KCNIP4: variants seen among roughly 807,000 people sequenced by gnomAD.
KCNIP4 encodes the protein potassium voltage-gated channel interacting protein 4, also known as Kv channel-interacting protein 4.
KCNIP4 carries 12 observed loss-of-function variants against 34.0 expected under a neutral mutation model. That is an observed-to-expected ratio of 0.35 (90% CI 0.23 to 0.57). The LOEUF (loss-of-function observed/expected upper bound fraction) is 0.57, where lower values mean the gene tolerates loss of function less well. KCNIP4 is among the 20% of genes least tolerant of loss of function. The pLI, the probability that KCNIP4 is intolerant of heterozygous loss-of-function variation, is 0.83. For missense variants in KCNIP4, 238 were observed against 311.7 expected, an observed-to-expected ratio of 0.76 and a Z score of 1.78; for synonymous variants, 124 against 102.2, an observed-to-expected ratio of 1.21 and a Z score of -1.29.
In KCNIP4 at chr4:21,080,407, C is replaced by T. The variant is rs146397620; in HGVS notation, c.62-197698G>A. Reference sequence around the variant, plus strand: ...AAATTATTTTATAAATCAGTTCAAACGCCAATTCTTCTATTTCCTTTTGGA... The same window carrying T: ...AAATTATTTTATAAATCAGTTCAAATGCCAATTCTTCTATTTCCTTTTGGA... On this transcript the variant is annotated intron_variant, in intron 1 of 8. Coordinates refer to ENST00000382152, the MANE Select transcript of KCNIP4 (RefSeq NM_025221.6). Among the ~76,000 whole-genome samples, 517 of 151,930 alleles carry T rather than the reference C, an allele frequency of 3.4e-3. 9 individuals carry two copies. Among genetic ancestry groups the T allele is most frequent in the African/African-American group, 0.011 (465 of 41,318 alleles).
At chr4:21,833,196 C>T (rs1457497546) in intron 1 of KCNIP4, among the ~76,000 whole-genome samples, 1 of 151,610 alleles carries the variant, frequency 6.6e-6, no homozygotes, top group Admixed American at 6.6e-5. Context: ...AACTAGTTTA[C>T]AGTCCCACCA....
At chr4:21,351,297 G>A (rs896614024) in intron 1 of KCNIP4, among the ~76,000 whole-genome samples, 16 of 152,128 alleles carry the variant, frequency 1.1e-4, no homozygotes, top group Non-Finnish European at 1.5e-5. Flanking sequence ...AACCTGGTGG[G>A]AGGTAATTGA....
chr4:21,041,000 A>G (rs1741909040), intron 1 of KCNIP4, among the ~76,000 whole-genome samples: 1 of 151,576 alleles, frequency 6.6e-6, no homozygotes, highest in Non-Finnish European at 1.5e-5. Context: ...CAGACCCATC[A>G]ATGCCTTATA....
chr4:21,913,346 GT>G (rs1017526720), intron 1 of KCNIP4, among the ~76,000 whole-genome samples: 37 of 141,808 alleles, frequency 2.6e-4, no homozygotes, highest in African/African-American at 8.2e-4. Context: ...TTTGTATTTT[GT>G]TTTTTTTTTC....
At chr4:21,328,280 G>T (rs1237871058) in intron 1 of KCNIP4, among the ~76,000 whole-genome samples, 2 of 152,130 alleles carry the variant, frequency 1.3e-5, no homozygotes, top group East Asian at 3.9e-4. Context: ...GCATTAGAGG[G>T]CATCCCAAGT....
intron 1 of KCNIP4, among the ~76,000 whole-genome samples, chr4:21,935,393 T>C (rs955979664): frequency 5.3e-5 from 8 of 152,062 alleles, no homozygotes; most frequent in Admixed American, 5.2e-4. Context: ...AAAATCCACG[T>C]TTCTTAGACT....
chr4:21,932,019 C>A (rs1437527005), intron 1 of KCNIP4, among the ~76,000 whole-genome samples: 1 of 152,064 alleles, frequency 6.6e-6, no homozygotes, highest in African/African-American at 2.4e-5. Context: ...GACTCAGTTT[C>A]TCCACAAGTC....
At chr4:20,989,150 C>T (rs1301408302) in intron 1 of KCNIP4, among the ~76,000 whole-genome samples, 1 of 152,158 alleles carries the variant, frequency 6.6e-6, no homozygotes, top group African/African-American at 2.4e-5. Flanking sequence ...TGTATATGTG[C>T]TCTGCACGTG....
chr4:20,940,844 C>A (rs1731567397), intron 1 of KCNIP4, among the ~76,000 whole-genome samples: 1 of 152,140 alleles, frequency 6.6e-6, no homozygotes. Context: ...AGAACATGAA[C>A]ATCAGCTGAA....
chr4:21,001,998 AG>A lies in KCNIP4; in HGVS notation c.62-119290del, dbSNP rs1215368015. On this transcript the variant is annotated intron_variant, in intron 1 of 8. Transcript: ENST00000382152. ...CTTTGTAACTTATAATACAGTTGAA[AG>A]GCCAACATTGTTTCTAGGAAATGTG... Among the ~76,000 whole-genome samples, 87 of 152,318 alleles carry A rather than the reference AG, an allele frequency of 5.7e-4. 1 individual carries two copies. Among genetic ancestry groups the A allele is most frequent in the Non-Finnish European group, 1.8e-4 (12 of 68,024 alleles).
intron 1 of KCNIP4, chr4:21,853,213 A>G (rs1724519701): frequency 6.6e-6 from 1 of 152,194 alleles, no homozygotes; most frequent in South Asian, 2.1e-4. Context: ...GTTCAGTAAC[A>G]TAAGGCAGCA....
At chr4:21,481,169 T>G (rs1242015353) in intron 1 of KCNIP4, among the ~76,000 whole-genome samples, 1 of 152,186 alleles carries the variant, frequency 6.6e-6, no homozygotes, top group Non-Finnish European at 1.5e-5. Flanking sequence ...AAACTGGCTA[T>G]TCAAATGAAA....
intron 2 of KCNIP4, among the ~76,000 whole-genome samples, chr4:20,878,538 G>T (rs1218606272): frequency 6.6e-6 from 1 of 152,058 alleles, no homozygotes; most frequent in Non-Finnish European, 1.5e-5. Context: ...GATTACCTTT[G>T]TTTTCTTGTT....
At chr4:21,151,534 C>T (rs75948961) in intron 1 of KCNIP4, among the ~76,000 whole-genome samples, 22,470 of 147,876 alleles carry the variant, frequency 0.15, 1,742 homozygotes, top group Middle Eastern at 0.24. Context: ...CTCTCTGTGT[C>T]CTCACACGGT....
intron 1 of KCNIP4, among the ~76,000 whole-genome samples, chr4:21,428,704 G>A (rs1426582777): frequency 1.3e-5 from 2 of 152,196 alleles, no homozygotes; most frequent in Non-Finnish European, 2.9e-5. Context: ...TGATGGAAAT[G>A]GTAGGAATCA....
At chr4:21,704,032 T>A (rs1713073438) in intron 1 of KCNIP4, among the ~76,000 whole-genome samples, 1 of 152,126 alleles carries the variant, frequency 6.6e-6, no homozygotes. Flanking sequence ...CACACAATTA[T>A]GCACACCTAA....
intron 1 of KCNIP4, among the ~76,000 whole-genome samples, chr4:21,444,830 C>G (rs1164741324): frequency 1.3e-5 from 2 of 152,168 alleles, no homozygotes; most frequent in Non-Finnish European, 2.9e-5. Flanking sequence ...AAGAGGAAGT[C>G]AACTTGTCCC....
intron 1 of KCNIP4, among the ~76,000 whole-genome samples, chr4:21,326,559 G>A (rs925141276): frequency 7.4e-5 from 11 of 149,114 alleles, no homozygotes; most frequent in African/African-American, 2.5e-4. Context: ...ATTGGGTCTT[G>A]TTTTTTTGTT....
At chr4:21,202,328 AC>A (rs1756555137) in intron 1 of KCNIP4, among the ~76,000 whole-genome samples, 1 of 152,220 alleles carries the variant, frequency 6.6e-6, no homozygotes, top group Non-Finnish European at 1.5e-5. Context: ...TAATGCAGAA[AC>A]AGAAAACCAA....
Sources: gnomAD v4.1 joint callset for allele counts (sites outside exome capture counted in the v4.1 genomes callset) on GRCh38, gnomAD v4.1.1 for gene constraint, MANE v1.5 for transcripts, NCBI Gene and HGNC (gene_info 2026-07-23, HGNC 2026-07-21) for gene names.